CCDC73: variants seen among roughly 807,000 people sequenced by gnomAD.
CCDC73 encodes the protein coiled-coil domain-containing protein 73.
CCDC73 carries 95 observed loss-of-function variants against 116.5 expected under a neutral mutation model. The ratio of observed to expected loss-of-function variants is 0.82; its 90% confidence interval spans 0.69 to 0.97. The LOEUF (loss-of-function observed/expected upper bound fraction) is 0.97, where lower values mean the gene tolerates loss of function less well. Ranked by LOEUF, CCDC73 falls within the 50% of genes least tolerant of loss-of-function variation. The probability of loss-of-function intolerance (pLI) is 0.00; values close to 1 mark genes in which losing one functional copy is unlikely to be tolerated. For synonymous variants in CCDC73, 398 were observed against 401.3 expected (o/e 0.99, Z 0.10); for missense variants, 1,066 against 1,206.8 (o/e 0.88, Z 1.73).
intron 10 of CCDC73, among the ~76,000 whole-genome samples, chr11:32,654,364 A>G (rs934580535): frequency 6.6e-6 from 1 of 152,056 alleles, no homozygotes; most frequent in Non-Finnish European, 1.5e-5. Flanking sequence ...AGTGGAGACG[A>G]GGTTTCATCA....
At chr11:32,662,490 G>A (rs1855938680) in intron 9 of CCDC73, among the ~76,000 whole-genome samples, 1 of 152,014 alleles carries the variant, frequency 6.6e-6, no homozygotes, top group Non-Finnish European at 1.5e-5. Context: ...CTTCTTTTGA[G>A]AAGTGTCTGC....
chr11:32,774,521 T>A (rs1850517151), intron 1 of CCDC73, among the ~76,000 whole-genome samples: 1 of 152,146 alleles, frequency 6.6e-6, no homozygotes, highest in African/African-American at 2.4e-5. Flanking sequence ...TTATATAAAC[T>A]CTAGTGCATA....
the CCDC73 span, among the ~76,000 whole-genome samples, chr11:32,802,213 TTC>T: frequency 1.3e-5 from 2 of 152,222 alleles, no homozygotes; most frequent in East Asian, 3.8e-4. Flanking sequence ...AGTTCTCTCG[TTC>T]TCTTTTTTTC....
At chr11:32,819,163 A>ATT in the CCDC73 span, among the ~76,000 whole-genome samples, 258 of 148,922 alleles carry the variant, frequency 1.7e-3, 1 homozygote, top group South Asian at 0.016. Context: ...TAGGACAGTG[A>ATT]TTTTTTTTTT....
chr11:32,813,572 T>C, the CCDC73 span, among the ~76,000 whole-genome samples: 1 of 152,230 alleles, frequency 6.6e-6, no homozygotes, highest in Non-Finnish European at 1.5e-5. Context: ...ATGAAGTCTT[T>C]AAGCAGCTTA....
At chr11:32,807,442 A>C in the CCDC73 span, among the ~76,000 whole-genome samples, 4,243 of 152,290 alleles carry the variant, frequency 0.028, 81 homozygotes, top group South Asian at 0.04. Context: ...TTTTCTAGAA[A>C]GGGCCAGATA....
the CCDC73 span, among the ~76,000 whole-genome samples, chr11:32,827,028 A>AT: frequency 8.6e-5 from 13 of 150,832 alleles, no homozygotes; most frequent in African/African-American, 1.7e-4. Context: ...TGCCTGGCTA[A>AT]TTTTTTTTTG....
chr11:32,678,761 T>A (rs1013053308), intron 7 of CCDC73, among the ~76,000 whole-genome samples: 1 of 151,742 alleles, frequency 6.6e-6, no homozygotes, highest in African/African-American at 2.4e-5. Context: ...CACACACCTG[T>A]AATCTCGGCT....
the CCDC73 span, among the ~76,000 whole-genome samples, chr11:32,800,916 T>TA: frequency 6.6e-6 from 1 of 152,160 alleles, no homozygotes; most frequent in Non-Finnish European, 1.5e-5. Flanking sequence ...ATATTCAACT[T>TA]AAATTGAGTT....
intron 17 of CCDC73, among the ~76,000 whole-genome samples, chr11:32,608,489 C>T (rs1173966632): frequency 1.3e-5 from 2 of 152,206 alleles, no homozygotes; most frequent in Non-Finnish European, 2.9e-5. Context: ...AGCTCCACAC[C>T]CCTGTGGCTT....
intron 1 of CCDC73, among the ~76,000 whole-genome samples, chr11:32,780,478 T>C (rs1445104375): frequency 6.6e-6 from 1 of 152,084 alleles, no homozygotes; most frequent in Admixed American, 6.6e-5. Flanking sequence ...CACTATTCTA[T>C]GCTGACTCAA....
At chr11:32,779,955 T>C (rs1215943749) in intron 1 of CCDC73, among the ~76,000 whole-genome samples, 1 of 152,062 alleles carries the variant, frequency 6.6e-6, no homozygotes, top group Non-Finnish European at 1.5e-5. Flanking sequence ...AACACCTCAA[T>C]GGTAATCTAA....
chr11:32,791,370 CA>C (rs1850675368), intron 1 of CCDC73, among the ~76,000 whole-genome samples: 1 of 152,204 alleles, frequency 6.6e-6, no homozygotes, highest in East Asian at 1.9e-4. Flanking sequence ...TTTCTAAAAA[CA>C]GGTTCCACAG....
At chr11:32,713,736 G>A (rs1468797659) in intron 3 of CCDC73, among the ~76,000 whole-genome samples, 1 of 151,984 alleles carries the variant, frequency 6.6e-6, no homozygotes, top group Non-Finnish European at 1.5e-5. Context: ...AAATTTTATA[G>A]GAAATTACCC....
chr11:32,635,253 G>T (rs1392472852), intron 14 of CCDC73, among the ~76,000 whole-genome samples: 1 of 152,092 alleles, frequency 6.6e-6, no homozygotes, highest in Non-Finnish European at 1.5e-5. Flanking sequence ...ACTTAGAATA[G>T]AAAAAGCTTT....
chr11:32,661,717 G>C (rs1472415706), intron 9 of CCDC73, among the ~76,000 whole-genome samples: 2 of 151,266 alleles, frequency 1.3e-5, no homozygotes. Flanking sequence ...AAGTTTTAGG[G>C]TACATGTGCA....
intron 6 of CCDC73, among the ~76,000 whole-genome samples, chr11:32,696,800 A>G (rs1448972289): frequency 6.6e-6 from 1 of 151,694 alleles, no homozygotes; most frequent in Admixed American, 6.6e-5. Flanking sequence ...TTTCTCATAC[A>G]GTTATGTTTT....
At chr11:32,722,867 C>T (rs916695766) in intron 2 of CCDC73, among the ~76,000 whole-genome samples, 11 of 152,106 alleles carry the variant, frequency 7.2e-5, no homozygotes, top group African/African-American at 2.7e-4. Flanking sequence ...GGTTCTCTTA[C>T]TATTGCCATT....
chr11:32,795,642 TG>T (rs1850720397), upstream of CCDC73, among the ~76,000 whole-genome samples: 1 of 152,138 alleles, frequency 6.6e-6, no homozygotes, highest in Non-Finnish European at 1.5e-5. Flanking sequence ...AGGCCTACAT[TG>T]TTTTTGCATG....
Sources: gnomAD v4.1 joint callset for allele counts (sites outside exome capture counted in the v4.1 genomes callset) on GRCh38, gnomAD v4.1.1 for gene constraint, MANE v1.5 for transcripts, NCBI Gene and HGNC (gene_info 2026-07-23, HGNC 2026-07-21) for gene names.